VRK1: variants seen among roughly 807,000 people sequenced by gnomAD.
The protein encoded by VRK1 is serine/threonine-protein kinase VRK1.
In VRK1, 33 loss-of-function variants were observed where a neutral mutation model predicts 57.1. That is an observed-to-expected ratio of 0.58 (90% confidence interval 0.44 to 0.77). The LOEUF (loss-of-function observed/expected upper bound fraction) is 0.77. Among genes scored for constraint, VRK1 ranks in the 30% least tolerant of loss-of-function variants. The probability of loss-of-function intolerance (pLI) is 0.00; values close to 1 mark genes in which losing one functional copy is unlikely to be tolerated. For missense variants in VRK1, 413 were observed against 477.3 expected (o/e 0.87, Z 1.25); for synonymous variants, 137 against 147.8 (o/e 0.93, Z 0.53).
chr14:96,821,448 A>G (rs558650984), intron 1 of VRK1, among the ~76,000 whole-genome samples: 48 of 152,298 alleles, frequency 3.2e-4, no homozygotes, highest in African/African-American at 1.2e-3. Flanking sequence ...AAAAAAAACA[A>G]AACAAAACAA....
intron 1 of VRK1, among the ~76,000 whole-genome samples, chr14:96,829,231 A>C (rs1460697342): frequency 2.1e-5 from 3 of 144,594 alleles, no homozygotes; most frequent in Non-Finnish European, 4.5e-5. Flanking sequence ...TTTGAGAGGG[A>C]AGTGGGAATG....
rs150277802 is a variant in VRK1, at chr14:96,829,544, A to G, written c.-5-3923A>G. ...CAGCATTTTTACCTTTACCTATTCT[A>G]TCTTTTATCTCTGTCTCTTTCTTCC... On this transcript the variant is annotated intron_variant, in intron 1 of 12. Coordinates refer to ENST00000216639, the MANE Select transcript of VRK1 (RefSeq NM_003384.3). 2.0e-5 allele frequency among the ~76,000 whole-genome samples: 3 copies of G among 152,258 alleles called. No homozygotes were observed. The East Asian group carries it at 5.8e-4, about 29-fold the overall frequency.
intron 3 of VRK1, among the ~76,000 whole-genome samples, chr14:96,844,217 G>T (rs1422738474): frequency 6.6e-6 from 1 of 152,152 alleles, no homozygotes; most frequent in African/African-American, 2.4e-5. Flanking sequence ...TCTTGCAAAT[G>T]CTTGCAAGTG....
chr14:96,837,378 C>G (rs1315892430), intron 2 of VRK1, among the ~76,000 whole-genome samples: 1 of 152,168 alleles, frequency 6.6e-6, no homozygotes, highest in Non-Finnish European at 1.5e-5. Context: ...AGATGCTCCT[C>G]TCCTCTTAAA....
intron 1 of VRK1, among the ~76,000 whole-genome samples, chr14:96,825,989 TA>T (rs1247620098): frequency 1.3e-5 from 2 of 150,148 alleles, no homozygotes; most frequent in South Asian, 4.3e-4. Context: ...TAGAGCTCAT[TA>T]AGTGTAAGTG....
chr14:96,879,790 G>A lies in VRK1; in HGVS notation c.1160-1387G>A, dbSNP rs775449891. On this transcript the variant is annotated intron_variant, in intron 12 of 12. Transcript: ENST00000216639. ...ACTAAAATACAAAAATTACCTGGGC[G>A]TGGTGACAGGCACCTGTAATCTCAG... Among the ~76,000 whole-genome samples, 9 of 151,884 alleles carry A rather than the reference G, an allele frequency of 5.9e-5. No individual in the cohort carries two copies. The East Asian group carries it at 1.4e-3, about 23-fold the overall frequency.
At chr14:96,802,918 T>G (rs368772652) in intron 1 of VRK1, among the ~76,000 whole-genome samples, 68 of 152,320 alleles carry the variant, frequency 4.5e-4, no homozygotes, top group African/African-American at 1.5e-3. Flanking sequence ...AAGTTTTAAT[T>G]GTTCTAGAAT....
At chr14:96,807,469 T>C (rs1885925801) in intron 1 of VRK1, among the ~76,000 whole-genome samples, 1 of 152,234 alleles carries the variant, frequency 6.6e-6, no homozygotes, top group African/African-American at 2.4e-5. Flanking sequence ...TAAAAAAATT[T>C]CATTTTAAAC....
intron 3 of VRK1, among the ~76,000 whole-genome samples, chr14:96,839,301 C>T (rs1279293606): frequency 3.3e-5 from 5 of 152,018 alleles, no homozygotes; most frequent in East Asian, 1.9e-4. Context: ...ATGAATAAAG[C>T]GTCTATAAAC....
At chr14:96,830,678 G>A (rs1269698315) in intron 1 of VRK1, among the ~76,000 whole-genome samples, 2 of 151,970 alleles carry the variant, frequency 1.3e-5, no homozygotes, top group Admixed American at 1.3e-4. Flanking sequence ...ACTTAGTGTG[G>A]CACTAGGCTT....
chr14:96,866,251 T>C (rs922452527), intron 11 of VRK1, among the ~76,000 whole-genome samples: 2 of 152,230 alleles, frequency 1.3e-5, no homozygotes, highest in South Asian at 2.1e-4. Flanking sequence ...GGGCTTGATA[T>C]ATTGCCAATT....
intron 2 of VRK1, 63 bp downstream of exon 2, chr14:96,833,694 T>C: frequency 6.2e-7 from 1 of 1,609,348 alleles, no homozygotes; most frequent in Non-Finnish European, 8.5e-7. Flanking sequence ...ATGAAAATGG[T>C]TTCTCATTTA....
chr14:96,805,865 T>G (rs1204786214), intron 1 of VRK1, among the ~76,000 whole-genome samples: 1 of 152,224 alleles, frequency 6.6e-6, no homozygotes, highest in Non-Finnish European at 1.5e-5. Flanking sequence ...TTGATTTAAC[T>G]TCCTTATTCT....
chr14:96,827,561 C>CG (rs1886847274), intron 1 of VRK1, among the ~76,000 whole-genome samples: 3 of 152,150 alleles, frequency 2.0e-5, no homozygotes, highest in East Asian at 3.9e-4. Flanking sequence ...AGAGAACTAC[C>CG]CTACCGCTCA....
At chr14:96,843,315 G>T (rs975424328) in intron 3 of VRK1, among the ~76,000 whole-genome samples, 1 of 152,178 alleles carries the variant, frequency 6.6e-6, no homozygotes, top group Non-Finnish European at 1.5e-5. Flanking sequence ...TAGAGGCAGA[G>T]GTCAGGCTTT....
At chr14:96,806,056 A>C (rs1234013507) in intron 1 of VRK1, among the ~76,000 whole-genome samples, 2 of 149,664 alleles carry the variant, frequency 1.3e-5, no homozygotes, top group Non-Finnish European at 3.0e-5. Flanking sequence ...TAAAACTATC[A>C]TTGCTTGGCA....
intron 8 of VRK1, 24 bp downstream of exon 8, chr14:96,855,380 G>T: frequency 6.2e-7 from 1 of 1,613,788 alleles, no homozygotes; most frequent in Non-Finnish European, 8.5e-7. Context: ...ACTGGAGTGA[G>T]AAATAGACTG....
At chr14:96,866,990 C>T (rs1043989162) in intron 11 of VRK1, among the ~76,000 whole-genome samples, 5 of 152,134 alleles carry the variant, frequency 3.3e-5, no homozygotes, top group East Asian at 1.9e-4. Flanking sequence ...TCTTTTCTCA[C>T]GAGTAAACAG....
At chr14:96,833,303 A>C (rs769775085) in intron 1 of VRK1, among the ~76,000 whole-genome samples, 164 bp from the exon 2 acceptor site, 1 of 152,202 alleles carries the variant, frequency 6.6e-6, no homozygotes, top group Non-Finnish European at 1.5e-5. Flanking sequence ...GAGATAATCA[A>C]ATAGGATTTG....
Sources: gnomAD v4.1 joint callset for allele counts (sites outside exome capture counted in the v4.1 genomes callset) on GRCh38, gnomAD v4.1.1 for gene constraint, MANE v1.5 for transcripts, NCBI Gene and HGNC (gene_info 2026-07-23, HGNC 2026-07-21) for gene names.